The following QTMAN variants were observed in gnomAD, a reference collection of about 807,000 sequenced individuals.
QTMAN encodes tRNA-queuosine alpha-mannosyltransferase.
the QTMAN span, among the ~76,000 whole-genome samples, chr2:144,164,044 A>G: frequency 1.1e-4 from 17 of 151,898 alleles, no homozygotes; most frequent in Admixed American, 7.2e-4. Flanking sequence ...TGCCTCAGCC[A>G]CCCAAGTAGC....
the QTMAN span, among the ~76,000 whole-genome samples, chr2:143,974,203 A>G: frequency 2.6e-5 from 4 of 152,232 alleles, no homozygotes; most frequent in African/African-American, 9.6e-5. Context: ...TTGCAGATTT[A>G]TGGGCTCCTA....
chr2:143,971,014 A>G, the QTMAN span, among the ~76,000 whole-genome samples: 1 of 152,188 alleles, frequency 6.6e-6, no homozygotes, highest in African/African-American at 2.4e-5. Flanking sequence ...TTAAAGGACA[A>G]ATCTGTCTTT....
chr2:144,004,351 C>A, the QTMAN span, among the ~76,000 whole-genome samples: 2 of 151,942 alleles, frequency 1.3e-5, no homozygotes, highest in African/African-American at 4.8e-5. Flanking sequence ...CGATTTCCAC[C>A]CATACGATCA....
the QTMAN span, among the ~76,000 whole-genome samples, chr2:143,977,335 G>A: frequency 1.3e-5 from 2 of 152,130 alleles, no homozygotes; most frequent in Admixed American, 6.5e-5. Flanking sequence ...AAAATGCTAT[G>A]AGAGTGTAGC....
At chr2:144,163,633 T>A in the QTMAN span, among the ~76,000 whole-genome samples, 1 of 152,232 alleles carries the variant, frequency 6.6e-6, no homozygotes. Flanking sequence ...ATCATTGTGG[T>A]GTGCGTGCAA....
At chr2:143,960,622 C>T in the QTMAN span, among the ~76,000 whole-genome samples, 2 of 151,898 alleles carry the variant, frequency 1.3e-5, no homozygotes, top group Non-Finnish European at 2.9e-5. Flanking sequence ...ATAAAAGCTC[C>T]CATAGGATAC....
At chr2:144,205,792 C>A in the QTMAN span, among the ~76,000 whole-genome samples, 1 of 152,180 alleles carries the variant, frequency 6.6e-6, no homozygotes, top group African/African-American at 2.4e-5. Context: ...AGTAGAAATG[C>A]TTCATCCTGG....
chr2:144,312,861 T>C, the QTMAN span, among the ~76,000 whole-genome samples: 1 of 152,222 alleles, frequency 6.6e-6, no homozygotes, highest in East Asian at 1.9e-4. Flanking sequence ...CTACTTCCCC[T>C]TCCACCATAA....
At chr2:143,999,704 C>G in the QTMAN span, among the ~76,000 whole-genome samples, 1 of 152,034 alleles carries the variant, frequency 6.6e-6, no homozygotes, top group African/African-American at 2.4e-5. Flanking sequence ...CTGTAAGAAT[C>G]TGATCAAAAG....
chr2:144,233,953 A>C, the QTMAN span, among the ~76,000 whole-genome samples: 1 of 152,150 alleles, frequency 6.6e-6, no homozygotes, highest in Non-Finnish European at 1.5e-5. Context: ...ATTCACAATC[A>C]CATAATCTTA....
the QTMAN span, among the ~76,000 whole-genome samples, chr2:144,077,249 C>T: frequency 6.6e-6 from 1 of 152,200 alleles, no homozygotes; most frequent in Non-Finnish European, 1.5e-5. Context: ...AAATATAGGT[C>T]AGAAAAAGTC....
At chr2:144,017,097 C>T in the QTMAN span, among the ~76,000 whole-genome samples, 2 of 151,812 alleles carry the variant, frequency 1.3e-5, no homozygotes, top group Admixed American at 6.6e-5. Context: ...TTCTGCCTCC[C>T]GGGTTCAAGC....
At chr2:144,246,558 C>T in the QTMAN span, among the ~76,000 whole-genome samples, 8 of 123,208 alleles carry the variant, frequency 6.5e-5, no homozygotes, top group East Asian at 4.6e-4. Context: ...CCGGCCTGGG[C>T]GACAGAGCGA....
chr2:144,292,552 C>T, the QTMAN span, among the ~76,000 whole-genome samples: 2 of 152,012 alleles, frequency 1.3e-5, no homozygotes, highest in Non-Finnish European at 2.9e-5. Context: ...CTATATTACT[C>T]GGTACCCTGT....
chr2:144,037,766 G>C, the QTMAN span, among the ~76,000 whole-genome samples: 1 of 151,974 alleles, frequency 6.6e-6, no homozygotes, highest in Non-Finnish European at 1.5e-5. Context: ...TAAATATGCA[G>C]GCAGAAAAAG....
chr2:144,091,053 T>G, the QTMAN span, among the ~76,000 whole-genome samples: 1 of 151,610 alleles, frequency 6.6e-6, no homozygotes, highest in Non-Finnish European at 1.5e-5. Context: ...ACACACACAC[T>G]CCATTGATTT....
the QTMAN span, among the ~76,000 whole-genome samples, chr2:143,980,426 G>A: frequency 6.6e-6 from 1 of 152,050 alleles, no homozygotes; most frequent in Non-Finnish European, 1.5e-5. Flanking sequence ...TAAGTTCCTC[G>A]AGGGCAGAGG....
the QTMAN span, among the ~76,000 whole-genome samples, chr2:144,251,782 T>G: frequency 2.4e-4 from 37 of 152,274 alleles, no homozygotes; most frequent in African/African-American, 8.9e-4. Context: ...CTCAAGAGAA[T>G]AAGAAGACAA....
At chr2:143,997,217 T>C in the QTMAN span, among the ~76,000 whole-genome samples, 1 of 152,134 alleles carries the variant, frequency 6.6e-6, no homozygotes, top group African/African-American at 2.4e-5. Flanking sequence ...AGGGGCTTGA[T>C]ACATTATTTA....
Sources: gnomAD v4.1 joint callset for allele counts (sites outside exome capture counted in the v4.1 genomes callset) on GRCh38, gnomAD v4.1.1 for gene constraint, MANE v1.5 for transcripts, NCBI Gene and HGNC (gene_info 2026-07-23, HGNC 2026-07-21) for gene names.